The following EGFLAM variants were observed in gnomAD, a reference collection of about 807,000 sequenced individuals.
EGFLAM encodes the protein pikachurin.
EGFLAM carries 79 observed loss-of-function variants against 113.1 expected under a neutral mutation model. The ratio of observed to expected loss-of-function variants is 0.70; its 90% CI spans 0.58 to 0.84. The LOEUF is 0.84. Ranked by LOEUF, EGFLAM falls within the 40% of genes least tolerant of loss-of-function variation. EGFLAM has a pLI of 0.00. For missense variants in EGFLAM, 1,265 were observed against 1,291.6 expected, an observed-to-expected ratio of 0.98 and a Z score of 0.32; for synonymous variants, 504 against 487.6, an observed-to-expected ratio of 1.03 and a Z score of -0.44.
chr5:38,329,035 C>CCA (rs1432846537), intron 1 of EGFLAM, among the ~76,000 whole-genome samples: 2 of 151,920 alleles, frequency 1.3e-5, no homozygotes, highest in African/African-American at 4.8e-5. Flanking sequence ...TGCCGTAATC[C>CCA]CACACTTTTA....
chr5:38,334,659 AT>A (rs1739137353), intron 1 of EGFLAM, among the ~76,000 whole-genome samples: 2 of 152,234 alleles, frequency 1.3e-5, no homozygotes, highest in Non-Finnish European at 1.5e-5. Context: ...TTTTGCAAAT[AT>A]TTTCTCCTAG....
In EGFLAM at chr5:38,433,701, T is replaced by G. The variant is rs150864797; in HGVS notation, c.2167-1436T>G. On this transcript the variant is annotated intron_variant, in intron 15 of 21. Transcript: ENST00000322350. Reference sequence around the variant, plus strand: ...CCTGCATCCTTCCTCCTTTCCTCTTTCCATCTTATTTTAGCTTTTGTGTAA... The same window carrying G: ...CCTGCATCCTTCCTCCTTTCCTCTTGCCATCTTATTTTAGCTTTTGTGTAA... 2.9e-3 allele frequency among the ~76,000 whole-genome samples: 442 copies of G among 152,336 alleles called. 2 individuals carry two copies. The highest frequency in any genetic ancestry group is 0.01 in the African/African-American group (419 of 41,580).
chr5:38,401,464 A>G (rs937121737), intron 6 of EGFLAM, among the ~76,000 whole-genome samples: 10 of 152,306 alleles, frequency 6.6e-5, no homozygotes, highest in African/African-American at 2.4e-4. Context: ...CTCGGTTTCC[A>G]TGCTTGTGAA....
At chr5:38,365,662 A>G (rs1046400410) in intron 5 of EGFLAM, among the ~76,000 whole-genome samples, 1 of 152,228 alleles carries the variant, frequency 6.6e-6, no homozygotes, top group Admixed American at 6.5e-5. Context: ...GAAGTAGAAA[A>G]GAAAGGAAAA....
intron 12 of EGFLAM, among the ~76,000 whole-genome samples, chr5:38,423,356 A>G (rs1339460697): frequency 6.6e-6 from 1 of 152,100 alleles, no homozygotes; most frequent in African/African-American, 2.4e-5. Context: ...TCTGTTTTGC[A>G]TGCCATTCCC....
chr5:38,457,862 T>A (rs1743140090), intron 19 of EGFLAM, among the ~76,000 whole-genome samples: 1 of 151,410 alleles, frequency 6.6e-6, no homozygotes, highest in East Asian at 1.9e-4. Context: ...AAAAGACAAA[T>A]ACTCTATGAT....
At chr5:38,282,108 T>C (rs1758034899) in intron 1 of EGFLAM, among the ~76,000 whole-genome samples, 1 of 152,220 alleles carries the variant, frequency 6.6e-6, no homozygotes, top group Non-Finnish European at 1.5e-5. Flanking sequence ...CAATATGTTT[T>C]AGACTCTTCT....
intron 20 of EGFLAM, 43 bp downstream of exon 20, chr5:38,458,437 G>A (rs764737171): frequency 6.3e-7 from 1 of 1,583,256 alleles, no homozygotes; most frequent in South Asian, 1.1e-5. Context: ...GAGCTGAGCA[G>A]TGGTGGGATG....
intron 5 of EGFLAM, among the ~76,000 whole-genome samples, chr5:38,368,847 C>T (rs768142036): frequency 6.6e-6 from 1 of 151,952 alleles, no homozygotes; most frequent in East Asian, 1.9e-4. Context: ...TGCCTTAGTT[C>T]CCTTCTCTGT....
intron 1 of EGFLAM, among the ~76,000 whole-genome samples, chr5:38,330,114 G>T (rs1306430948): frequency 2.6e-5 from 4 of 152,102 alleles, no homozygotes; most frequent in African/African-American, 9.7e-5. Context: ...TCACCTTCTG[G>T]TGACTGTTTT....
Position 38,412,364 on chromosome 5 carries a change from A to T in EGFLAM, c.1350-140A>T. On this transcript the variant is annotated intron_variant, in intron 10 of 21. Transcript: ENST00000322350. ...AGTTCTTCCCTGTATTGATTTCAACAGCACTTGATATTCATAAACATGACT... is the reference window on the plus strand; with the variant it reads ...AGTTCTTCCCTGTATTGATTTCAACTGCACTTGATATTCATAAACATGACT... 4.0e-6 allele frequency: 5 copies of T among 1,255,764 alleles called. No homozygotes were observed. In the East Asian group the frequency reaches 1.2e-4, roughly 30 times the overall value. The allele number at this position is 1,255,764 out of a possible 1,614,324, so 77.8% of individuals were successfully genotyped here. A position where few individuals can be genotyped will look rare whatever the true frequency, so the allele number is the denominator to read the frequency against.
At chr5:38,461,884 G>A (rs983102712) in intron 20 of EGFLAM, among the ~76,000 whole-genome samples, 6 of 152,132 alleles carry the variant, frequency 3.9e-5, no homozygotes, top group African/African-American at 1.4e-4. Flanking sequence ...CTGAGCCACT[G>A]GCCGGGTGCA....
chr5:38,445,565 T>G, intron 17 of EGFLAM: 1 of 1,595,088 alleles, frequency 6.3e-7, no homozygotes, highest in Non-Finnish European at 8.5e-7. Context: ...CGGGCAGAGC[T>G]TTGTGAGAGA....
intron 10 of EGFLAM, among the ~76,000 whole-genome samples, chr5:38,410,455 T>C (rs565137775): frequency 6.6e-6 from 1 of 152,314 alleles, no homozygotes; most frequent in East Asian, 1.9e-4. Context: ...TGTTTTGCAA[T>C]GCCTCTTGAC....
chr5:38,380,800 T>C (rs1309383307), intron 6 of EGFLAM, among the ~76,000 whole-genome samples: 1 of 152,004 alleles, frequency 6.6e-6, no homozygotes, highest in Non-Finnish European at 1.5e-5. Context: ...TTTAAATACC[T>C]ATTAATTGCT....
At chr5:38,455,748 G>A (rs1367726281) in intron 19 of EGFLAM, among the ~76,000 whole-genome samples, 1 of 152,166 alleles carries the variant, frequency 6.6e-6, no homozygotes, top group African/African-American at 2.4e-5. Flanking sequence ...ATTCCTGTCT[G>A]CCAGGTTCAC....
chr5:38,302,763 G>C (rs191293273), intron 1 of EGFLAM, among the ~76,000 whole-genome samples: 23 of 149,808 alleles, frequency 1.5e-4, no homozygotes, highest in African/African-American at 5.6e-4. Context: ...CCTTGTTTAA[G>C]TAGCTGTAAA....
intron 10 of EGFLAM, among the ~76,000 whole-genome samples, chr5:38,412,014 G>T (rs531912956): frequency 3.7e-4 from 57 of 152,122 alleles, no homozygotes; most frequent in African/African-American, 1.3e-3. Flanking sequence ...TGGTCAGGCT[G>T]GTCTCGAACT....
At chr5:38,454,039 G>A (rs893510305) in intron 19 of EGFLAM, among the ~76,000 whole-genome samples, 1 of 152,182 alleles carries the variant, frequency 6.6e-6, no homozygotes, top group African/African-American at 2.4e-5. Flanking sequence ...TGTGATCTGT[G>A]TAAGACACAC....
Sources: allele counts gnomAD v4.1 joint callset (sites outside exome capture counted in the v4.1 genomes callset), GRCh38; gene constraint gnomAD v4.1.1; transcripts MANE v1.5; gene names NCBI Gene and HGNC (gene_info 2026-07-23, HGNC 2026-07-21).